HYDIN: variants seen among roughly 807,000 people sequenced by gnomAD.
HYDIN encodes axonemal central pair apparatus protein HYDIN.
In HYDIN, 132 loss-of-function variants were observed where a neutral mutation model predicts 403.9. The observed-to-expected ratio is 0.33, with a 90% CI of 0.28 to 0.38. The LOEUF is 0.38. Among genes scored for constraint, HYDIN ranks in the 10% least tolerant of loss-of-function variants. HYDIN has a pLI of 1.00. For missense variants in HYDIN, 2,827 were observed against 5,009.5 expected (o/e 0.56, Z 13.15); for synonymous variants, 1,202 against 1,891.7 (o/e 0.64, Z 9.46).
chr16:71,198,083 T>A (rs3096377), intron 1 of HYDIN, among the ~76,000 whole-genome samples: 147,174 of 152,328 alleles, frequency 0.97, 71,172 homozygotes, highest in African/African-American at 0.99. Flanking sequence ...ATGCATCCCT[T>A]AACATTATAC....
At chr16:71,038,762 G>A (rs914206607) in intron 18 of HYDIN, among the ~76,000 whole-genome samples, 1 of 152,228 alleles carries the variant, frequency 6.6e-6, no homozygotes, top group Non-Finnish European at 1.5e-5. Flanking sequence ...CTGGGTCCAA[G>A]CAATTCTCCT....
At chr16:70,902,821 A>ATTTTTTTTTTTTTTTT (rs60618592) in intron 52 of HYDIN, among the ~76,000 whole-genome samples, 6 of 47,280 alleles carry the variant, frequency 1.3e-4, no homozygotes, top group South Asian at 1.5e-3. Context: ...ATATATATAT[A>ATTTTTTTTTTTTTTTT]TTTTTTTTTT....
Position 70,883,922 on chromosome 16 carries a change from G to C in HYDIN, c.9977C>G (p.Pro3326Arg). Reference protein sequence around the residue: ...LYTLLAEACLPAFVTENNALI... With the variant: ...LYTLLAEACLRAFVTENNALI... ...TGTCCAATGTGAGTGGTCAGTACCT[G>C]GTAGACAGGCTTCAGCTAGCAAAGT... Residue 3326 changes from proline (P) to arginine (R), a missense_variant and splice_region_variant, in exon 59 of 86, where the codon CCA becomes CGA. Pro to Arg is a moderately radical substitution (Grantham distance 103, BLOSUM62 -2). Transcript: ENST00000393567. 6.2e-7 allele frequency: 1 copy of C among 1,613,426 alleles called. No individual in the cohort carries two copies. Among genetic ancestry groups the C allele is most frequent in the Non-Finnish European group, 8.5e-7 (1 of 1,179,974 alleles).
rs762642712 is a variant in HYDIN at position 70,951,138 on chromosome 16, G to C, written c.6531+1283C>G. On this transcript the variant is annotated intron_variant, in intron 41 of 85. Coordinates refer to ENST00000393567, the MANE Select transcript of HYDIN (RefSeq NM_001270974.2). ...TAGTCCCAGCTACTTGGGAGGCTGGGGTGGAAGGATTGCTTAAGCCCGGGA... is the reference window on the plus strand; with the variant it reads ...TAGTCCCAGCTACTTGGGAGGCTGGCGTGGAAGGATTGCTTAAGCCCGGGA... 2.0e-5 allele frequency among the ~76,000 whole-genome samples: 3 copies of C among 152,138 alleles called. No individual in the cohort carries two copies. The East Asian group carries it at 5.8e-4, about 29-fold the overall frequency.
chr16:70,807,552 T>C lies in HYDIN; in HGVS notation c.*28A>G, dbSNP rs1020280811. 3 of 1,569,454 alleles carry C rather than the reference T, an allele frequency of 1.9e-6. No homozygotes were observed. Among genetic ancestry groups the C allele is most frequent in the Non-Finnish European group, 2.6e-6 (3 of 1,158,350 alleles). ...TCAGGCTAAGACAATGCATAGCTTTTGGTTGATACAGGTAACCCTGGTTAC... is the reference window on the plus strand; with the variant it reads ...TCAGGCTAAGACAATGCATAGCTTTCGGTTGATACAGGTAACCCTGGTTAC... On this transcript the variant is annotated 3_prime_UTR_variant, in exon 86 of 86. Coordinates refer to ENST00000393567, the MANE Select transcript of HYDIN (RefSeq NM_001270974.2).
At chr16:70,995,730 G>C (rs2079511857) in intron 23 of HYDIN, among the ~76,000 whole-genome samples, 1 of 152,196 alleles carries the variant, frequency 6.6e-6, no homozygotes, top group Admixed American at 6.5e-5. Context: ...GTGGGAAAAG[G>C]TGGCAGGGAG....
intron 8 of HYDIN, 74 bp downstream of exon 8, chr16:71,137,077 T>G (rs1486421824): frequency 1.0e-6 from 1 of 961,632 alleles, no homozygotes; most frequent in Non-Finnish European, 1.6e-6. Flanking sequence ...CAAAATTCAC[T>G]AATTTTTCAT....
chr16:71,074,865 G>C (rs1267307984), intron 13 of HYDIN, among the ~76,000 whole-genome samples: 1 of 150,094 alleles, frequency 6.7e-6, no homozygotes, highest in Non-Finnish European at 1.5e-5. Flanking sequence ...AAATTGTGGG[G>C]GTCATATAAT....
At chr16:71,209,693 G>C (rs2088485292) in intron 1 of HYDIN, among the ~76,000 whole-genome samples, 1 of 152,024 alleles carries the variant, frequency 6.6e-6, no homozygotes. Context: ...CAAAGTTTTG[G>C]GATACTAAAT....
intron 18 of HYDIN, among the ~76,000 whole-genome samples, chr16:71,046,166 C>CT (rs1179413668): frequency 2.1e-5 from 2 of 93,204 alleles, no homozygotes; most frequent in Non-Finnish European, 4.2e-5. Context: ...TCAACAGGTA[C>CT]TTTTTACATA....
intron 73 of HYDIN, 55 bp from the exon 74 acceptor site, chr16:70,850,710 T>C (rs1431106445): frequency 2.6e-5 from 33 of 1,257,732 alleles, no homozygotes; most frequent in Non-Finnish European, 3.7e-5. Flanking sequence ...GTCAAAACCT[T>C]AAAAAATATG....
chr16:70,817,997 C>T (rs560226473), intron 84 of HYDIN, among the ~76,000 whole-genome samples: 7 of 152,210 alleles, frequency 4.6e-5, no homozygotes, highest in Non-Finnish European at 8.8e-5. Context: ...CGTCCCTGGC[C>T]TCCCAAAGCG....
intron 5 of HYDIN, among the ~76,000 whole-genome samples, chr16:71,169,457 C>CAT (rs762307140): frequency 1.3e-5 from 2 of 151,744 alleles, no homozygotes. Flanking sequence ...GAAAATGTGG[C>CAT]ATATATATAC....
At chr16:70,993,176 C>T (rs995633049) in intron 23 of HYDIN, among the ~76,000 whole-genome samples, 7 of 152,170 alleles carry the variant, frequency 4.6e-5, no homozygotes, top group South Asian at 4.1e-4. Context: ...GGACACTGTC[C>T]ACTCTAACCA....
chr16:71,055,154 C>A (rs2081836824), intron 18 of HYDIN, among the ~76,000 whole-genome samples: 1 of 152,292 alleles, frequency 6.6e-6, no homozygotes, highest in African/African-American at 2.4e-5. Flanking sequence ...TTCATAAGCA[C>A]TGCTGGGGTA....
In HYDIN at chr16:70,807,535, A is replaced by C. The variant is rs763209336; in HGVS notation, c.*45T>G. On this transcript the variant is annotated 3_prime_UTR_variant, in exon 86 of 86. Coordinates refer to ENST00000393567, the MANE Select transcript of HYDIN (RefSeq NM_001270974.2). Reference sequence around the variant, plus strand: ...GTTTTCTCTATTCTTTTTCAGGCTAAGACAATGCATAGCTTTTGGTTGATA... The same window carrying C: ...GTTTTCTCTATTCTTTTTCAGGCTACGACAATGCATAGCTTTTGGTTGATA... 6.5e-7 allele frequency: 1 copy of C among 1,542,574 alleles called. No individual in the cohort carries two copies. Among genetic ancestry groups the C allele is most frequent in the South Asian group, 1.3e-5 (1 of 78,526 alleles).
At chr16:71,038,609 C>T (rs1339781607) in intron 18 of HYDIN, among the ~76,000 whole-genome samples, 7 of 151,990 alleles carry the variant, frequency 4.6e-5, no homozygotes, top group Non-Finnish European at 8.8e-5. Context: ...AGCAGATGAC[C>T]GGCACTATGT....
At chr16:71,061,637 T>C (rs1038445862) in intron 17 of HYDIN, among the ~76,000 whole-genome samples, 3 of 151,968 alleles carry the variant, frequency 2.0e-5, no homozygotes, top group Admixed American at 6.6e-5. Context: ...ATATGAGCCA[T>C]GAGTCAAGTT....
At chr16:71,178,464 T>TAC (rs1182031059) in intron 4 of HYDIN, among the ~76,000 whole-genome samples, 12 of 146,096 alleles carry the variant, frequency 8.2e-5, no homozygotes, top group African/African-American at 1.5e-4. Context: ...TATATATATA[T>TAC]ACACACACAC....
Sources: gnomAD v4.1 joint callset for allele counts (sites outside exome capture counted in the v4.1 genomes callset) on GRCh38, gnomAD v4.1.1 for gene constraint, MANE v1.5 for transcripts, NCBI Gene and HGNC (gene_info 2026-07-23, HGNC 2026-07-21) for gene names.